The following MYO1E variants were observed in gnomAD, a reference collection of about 807,000 sequenced individuals.
MYO1E encodes the protein unconventional myosin-Ie.
Under a neutral mutation model 151.1 loss-of-function variants are expected in MYO1E, and 68 were observed. The ratio of observed to expected loss-of-function variants is 0.45; its 90% CI spans 0.37 to 0.55. MYO1E has a LOEUF of 0.55. Ranked by LOEUF, MYO1E falls within the 20% of genes least tolerant of loss-of-function variation. The probability of loss-of-function intolerance (pLI) is 0.00; values close to 1 mark genes in which losing one functional copy is unlikely to be tolerated. For missense variants in MYO1E, 1,363 were observed against 1,389.3 expected, an observed-to-expected ratio of 0.98 and a Z score of 0.30; for synonymous variants, 601 against 501.7, an observed-to-expected ratio of 1.20 and a Z score of -2.64.
intron 1 of MYO1E, among the ~76,000 whole-genome samples, chr15:59,372,036 G>A (rs2080948581): frequency 6.7e-6 from 1 of 150,200 alleles, no homozygotes; most frequent in Admixed American, 6.6e-5. Flanking sequence ...GCGGGGAGGA[G>A]AGGGAGTCGG....
At chr15:59,217,821 C>T in intron 10 of MYO1E, 70 bp downstream of exon 10, 1 of 1,562,186 alleles carries the variant, frequency 6.4e-7, no homozygotes, top group Admixed American at 1.7e-5. Flanking sequence ...AGCCACCGCA[C>T]CCAGCCTACT....
chr15:59,334,315 G>T (rs1247091072), intron 1 of MYO1E, among the ~76,000 whole-genome samples: 15 of 152,022 alleles, frequency 9.9e-5, no homozygotes, highest in Admixed American at 9.8e-4. Context: ...ATAACTAAAA[G>T]TATAATTGGA....
chr15:59,193,414 C>A (rs1472086527), intron 17 of MYO1E, among the ~76,000 whole-genome samples: 2 of 152,160 alleles, frequency 1.3e-5, no homozygotes, highest in Non-Finnish European at 2.9e-5. Flanking sequence ...CATTTTACAT[C>A]TTTAGAGGAG....
intron 4 of MYO1E, among the ~76,000 whole-genome samples, chr15:59,252,398 C>T (rs1215364366): frequency 1.3e-5 from 2 of 152,074 alleles, no homozygotes; most frequent in African/African-American, 2.4e-5. Flanking sequence ...GCCTGGCTAA[C>T]ATGGTGAAAC....
At chr15:59,330,921 C>T (rs1215599555) in intron 1 of MYO1E, among the ~76,000 whole-genome samples, 18 of 152,206 alleles carry the variant, frequency 1.2e-4, no homozygotes, top group Non-Finnish European at 2.9e-5. Flanking sequence ...AGGCATGCAC[C>T]ATCACGCCCA....
At position 59,162,083 on chromosome 15, in the gene MYO1E, C is replaced by T. The variant is rs757331042; in HGVS notation, c.2628-853G>A. On this transcript the variant is annotated intron_variant, in intron 23 of 27. Coordinates refer to ENST00000288235, the MANE Select transcript of MYO1E (RefSeq NM_004998.4). ...ACAGGGTCTTGCTCTGTTGCCCAGG[C>T]TGGCGTGCAGTGGTGCGGTCTCAGC... Among the ~76,000 whole-genome samples the T allele has an allele frequency of 6.6e-5, 10 of 152,200 alleles. No individual in the cohort carries two copies. The East Asian group carries it at 1.9e-3, about 29-fold the overall frequency.
chr15:59,372,787 C>CT lies in MYO1E; in HGVS notation c.-288_-287insA, dbSNP rs2080956627. ...CGGTCGCCGCCGGCCCAGGTGAGTC[C>CT]GATGCGCTCGGAGCGTCCGCCTCGC... On this transcript the variant is annotated 5_prime_UTR_variant, in exon 1 of 28. Coordinates refer to ENST00000288235, the MANE Select transcript of MYO1E (RefSeq NM_004998.4). The CT allele has an allele frequency of 3.9e-6, 2 of 515,964 alleles. No individual in the cohort carries two copies. Among genetic ancestry groups the CT allele is most frequent in the Non-Finnish European group, 6.8e-6 (2 of 292,640 alleles). 32.0% of individuals were successfully genotyped at this position (515,964 alleles called of 1,614,324 possible).
rs570791419 is a variant in MYO1E, at chr15:59,178,299, G to A, written c.2049+94C>T. 121 of 1,481,498 alleles carry A rather than the reference G, an allele frequency of 8.2e-5. 1 individual carries two copies. The highest frequency in any genetic ancestry group is 9.8e-5 in the South Asian group (8 of 81,230). 91.8% of individuals were successfully genotyped at this position (1,481,498 alleles called of 1,614,324 possible). A position where few individuals can be genotyped will look rare whatever the true frequency, so the allele number is the denominator to read the frequency against. On this transcript the variant is annotated intron_variant, in intron 19 of 27. Coordinates refer to ENST00000288235, the MANE Select transcript of MYO1E (RefSeq NM_004998.4). The stretch of plus-strand genomic sequence containing the variant: ...GGAGACAACATTGATGGCATGAAGC[G>A]AAGAATGAGAAAAAGAAGCCAGCTG...
chr15:59,165,038 G>C (rs569991587), intron 22 of MYO1E, among the ~76,000 whole-genome samples: 1 of 152,314 alleles, frequency 6.6e-6, no homozygotes, highest in African/African-American at 2.4e-5. Flanking sequence ...ATAAAGAAAA[G>C]ACTGGGCCTT....
At chr15:59,332,724 T>C (rs748233481) in intron 1 of MYO1E, among the ~76,000 whole-genome samples, 24 of 152,146 alleles carry the variant, frequency 1.6e-4, no homozygotes, top group Non-Finnish European at 3.4e-4. Flanking sequence ...ATTTTTTTTT[T>C]TAATTTAATT....
intron 18 of MYO1E, among the ~76,000 whole-genome samples, chr15:59,179,285 T>A (rs2079644550): frequency 6.6e-6 from 1 of 152,102 alleles, no homozygotes; most frequent in Non-Finnish European, 1.5e-5. Flanking sequence ...CTTGTTAGTT[T>A]CTCTCATAGC....
intron 1 of MYO1E, among the ~76,000 whole-genome samples, chr15:59,338,503 T>C (rs2080743898): frequency 6.6e-6 from 1 of 152,150 alleles, no homozygotes; most frequent in African/African-American, 2.4e-5. Flanking sequence ...ACATCTCCTC[T>C]TAAGCTCGCT....
intron 1 of MYO1E, among the ~76,000 whole-genome samples, chr15:59,326,621 T>G (rs776352403): frequency 4.6e-5 from 7 of 152,396 alleles, no homozygotes; most frequent in Middle Eastern, 3.4e-3. Flanking sequence ...ACTGTTGATT[T>G]TTTAATTATT....
intron 13 of MYO1E, among the ~76,000 whole-genome samples, chr15:59,209,812 CACCTTTT>C (rs1566979707): frequency 1.2e-5 from 1 of 86,002 alleles, no homozygotes; most frequent in African/African-American, 4.2e-5. Context: ...TATTTTGAAT[CACCTTTT>C]TTTTTTTTTT....
At chr15:59,248,907 C>T (rs1472809352) in intron 4 of MYO1E, among the ~76,000 whole-genome samples, 1 of 152,192 alleles carries the variant, frequency 6.6e-6, no homozygotes, top group Non-Finnish European at 1.5e-5. Context: ...GGACTGTGTT[C>T]CAGGGCACAT....
chr15:59,278,985 C>T (rs182966206), intron 1 of MYO1E, among the ~76,000 whole-genome samples: 8 of 152,012 alleles, frequency 5.3e-5, no homozygotes, highest in African/African-American at 7.2e-5. Context: ...GGGGGTGGCA[C>T]GTGAGGCTCG....
intron 25 of MYO1E, among the ~76,000 whole-genome samples, chr15:59,156,669 A>T (rs1178433863): frequency 6.6e-6 from 1 of 152,230 alleles, no homozygotes; most frequent in Non-Finnish European, 1.5e-5. Context: ...ACATTGGTAC[A>T]AATAGAATTC....
chr15:59,264,184 T>C (rs1405709470), intron 2 of MYO1E, among the ~76,000 whole-genome samples: 3 of 152,104 alleles, frequency 2.0e-5, no homozygotes, highest in Non-Finnish European at 4.4e-5. Flanking sequence ...GTGTCGATTA[T>C]CAAAACATTT....
chr15:59,307,912 A>AG (rs2080524575), intron 1 of MYO1E, among the ~76,000 whole-genome samples: 1 of 144,410 alleles, frequency 6.9e-6, no homozygotes, highest in South Asian at 2.6e-4. Context: ...GCCTGGCTCC[A>AG]GTGAGTTTAA....
Sources: gnomAD v4.1 joint callset for allele counts (sites outside exome capture counted in the v4.1 genomes callset) on GRCh38, gnomAD v4.1.1 for gene constraint, MANE v1.5 for transcripts, NCBI Gene and HGNC (gene_info 2026-07-23, HGNC 2026-07-21) for gene names.